The following SORCS2 variants were observed in gnomAD, a reference collection of about 807,000 sequenced individuals.
The protein encoded by SORCS2 is sortilin related VPS10 domain containing receptor 2.
Under a neutral mutation model 141.6 loss-of-function variants are expected in SORCS2, and 100 were observed. That is an observed-to-expected ratio of 0.71 (90% CI 0.60 to 0.83). The LOEUF (loss-of-function observed/expected upper bound fraction) is 0.83, where lower values mean the gene tolerates loss of function less well. Ranked by LOEUF, SORCS2 falls within the 40% of genes least tolerant of loss-of-function variation. The pLI is 0.00. For synonymous variants in SORCS2, 789 were observed against 676.9 expected (o/e 1.17, Z -2.57); for missense variants, 1,646 against 1,560.2 (o/e 1.05, Z -0.93).
chr4:7,216,567 T>A (rs1173419841), intron 1 of SORCS2, among the ~76,000 whole-genome samples: 1 of 152,056 alleles, frequency 6.6e-6, no homozygotes, highest in African/African-American at 2.4e-5. Flanking sequence ...TTGCCTGTCT[T>A]TGCCTTTTTC....
intron 1 of SORCS2, among the ~76,000 whole-genome samples, chr4:7,303,099 C>A (rs1008173714): frequency 6.6e-6 from 1 of 152,066 alleles, no homozygotes; most frequent in African/African-American, 2.4e-5. Flanking sequence ...AGAGCTCAGA[C>A]GAGGTAATAA....
chr4:7,728,293 G>A (rs1727361611), intron 21 of SORCS2, 57 bp from the exon 22 acceptor site: 1 of 1,346,156 alleles, frequency 7.4e-7, no homozygotes, highest in East Asian at 2.4e-5. Flanking sequence ...CCACCCTGGA[G>A]CCGTCAGAGC....
At chr4:7,431,313 G>A (rs1160374328) in intron 2 of SORCS2, 5 of 152,344 alleles carry the variant, frequency 3.3e-5, no homozygotes, top group Non-Finnish European at 5.9e-5. Flanking sequence ...ACTGCAGGTA[G>A]CTCTGGGGTG....
At chr4:7,439,376 A>G (rs1039740875) in intron 2 of SORCS2, among the ~76,000 whole-genome samples, 3 of 152,170 alleles carry the variant, frequency 2.0e-5, no homozygotes, top group African/African-American at 7.2e-5. Context: ...TATACCCAAG[A>G]CATTTTAGAA....
intron 4 of SORCS2, among the ~76,000 whole-genome samples, chr4:7,649,367 G>T (rs1169644386): frequency 6.6e-6 from 1 of 151,818 alleles, no homozygotes; most frequent in Non-Finnish European, 1.5e-5. Flanking sequence ...GGGGGGCTGT[G>T]TACCCATGTG....
At chr4:7,211,854 G>A (rs561265787) in intron 1 of SORCS2, among the ~76,000 whole-genome samples, 5 of 152,288 alleles carry the variant, frequency 3.3e-5, no homozygotes, top group South Asian at 2.1e-4. Context: ...TCACTCTGTC[G>A]GCTAATCCCT....
intron 3 of SORCS2, among the ~76,000 whole-genome samples, chr4:7,536,176 C>T (rs1712112467): frequency 6.6e-6 from 1 of 152,210 alleles, no homozygotes; most frequent in East Asian, 1.9e-4. Flanking sequence ...CAGCAGGCTC[C>T]ACTGTTCCTT....
At chr4:7,655,982 G>C (rs888250709) in intron 5 of SORCS2, among the ~76,000 whole-genome samples, 1 of 152,244 alleles carries the variant, frequency 6.6e-6, no homozygotes, top group African/African-American at 2.4e-5. Context: ...GCTGTTACTC[G>C]AGGGAATCAC....
In SORCS2 at chr4:7,539,646, GC is replaced by G. The variant is rs565472244; in HGVS notation, c.648+8020del. On this transcript the variant is annotated intron_variant, in intron 3 of 26. Coordinates refer to ENST00000507866, the MANE Select transcript of SORCS2 (RefSeq NM_020777.3). ...CCTCCACTCTGAACCCCTGCCTTCA[GC>G]CCTACAAACTCCTTCCCAGCTGCAA... Among the ~76,000 whole-genome samples the G allele has an allele frequency of 9.2e-3, 1,237 of 134,514 alleles. 14 individuals carry two copies. Among genetic ancestry groups the G allele is most frequent in the African/African-American group, 0.03 (1,177 of 39,894 alleles). 88.2% of individuals were successfully genotyped at this position (134,514 alleles called of 152,430 possible).
intron 3 of SORCS2, among the ~76,000 whole-genome samples, chr4:7,565,379 A>G (rs753598918): frequency 6.6e-6 from 1 of 152,194 alleles, no homozygotes; most frequent in Non-Finnish European, 1.5e-5. Context: ...TGCTGATAGT[A>G]GTATGGTGAT....
At chr4:7,213,901 G>A (rs1203956961) in intron 1 of SORCS2, among the ~76,000 whole-genome samples, 1 of 152,264 alleles carries the variant, frequency 6.6e-6, no homozygotes, top group Non-Finnish European at 1.5e-5. Context: ...TGGGCTGGAA[G>A]CTGGCTTCCT....
intron 1 of SORCS2, among the ~76,000 whole-genome samples, chr4:7,348,115 C>T (rs796465410): frequency 5.3e-5 from 8 of 152,276 alleles, no homozygotes; most frequent in African/African-American, 1.7e-4. Context: ...GAGAGTCCCT[C>T]GTGTCAGGCC....
At chr4:7,247,935 C>T (rs993603435) in intron 1 of SORCS2, among the ~76,000 whole-genome samples, 2 of 152,240 alleles carry the variant, frequency 1.3e-5, no homozygotes, top group Non-Finnish European at 2.9e-5. Flanking sequence ...CTGTCAGCAA[C>T]GGGATCCCCC....
At chr4:7,639,743 GTGAA>G (rs1439906355) in intron 4 of SORCS2, among the ~76,000 whole-genome samples, 15 of 150,820 alleles carry the variant, frequency 9.9e-5, no homozygotes, top group Admixed American at 6.6e-5. Context: ...GTGTGAGACT[GTGAA>G]TGTATGAGTG....
chr4:7,545,692 C>G (rs149691078), intron 3 of SORCS2, among the ~76,000 whole-genome samples: 5 of 152,122 alleles, frequency 3.3e-5, no homozygotes, highest in African/African-American at 1.2e-4. Context: ...AGACTCCAAT[C>G]TCACCCCACA....
intron 3 of SORCS2, among the ~76,000 whole-genome samples, chr4:7,568,734 G>A (rs1273676738): frequency 2.6e-5 from 4 of 152,190 alleles, no homozygotes; most frequent in Non-Finnish European, 5.9e-5. Flanking sequence ...AGTTGACTAT[G>A]GCTAGGATGC....
intron 5 of SORCS2, among the ~76,000 whole-genome samples, chr4:7,660,033 G>A (rs1722050023): frequency 6.6e-6 from 1 of 152,130 alleles, no homozygotes; most frequent in East Asian, 1.9e-4. Context: ...CAAACCATTC[G>A]GGATCATTCA....
chr4:7,591,451 AC>A (rs1716907492), intron 3 of SORCS2, among the ~76,000 whole-genome samples: 1 of 152,100 alleles, frequency 6.6e-6, no homozygotes, highest in Non-Finnish European at 1.5e-5. Flanking sequence ...CCAAGGGGGC[AC>A]TGGGAAGGGT....
At chr4:7,670,322 T>A (rs895938651) in intron 8 of SORCS2, among the ~76,000 whole-genome samples, 3 of 152,228 alleles carry the variant, frequency 2.0e-5, no homozygotes, top group East Asian at 1.9e-4. Flanking sequence ...TCATTTTTTT[T>A]AAATATTCAT....
Sources: allele counts gnomAD v4.1 joint callset (sites outside exome capture counted in the v4.1 genomes callset), GRCh38; gene constraint gnomAD v4.1.1; transcripts MANE v1.5; gene names NCBI Gene and HGNC (gene_info 2026-07-23, HGNC 2026-07-21).